Variants in SEC31B observed in about 807,000 individuals in gnomAD.
SEC31B encodes the protein protein transport protein Sec31B.
In SEC31B, 113 loss-of-function variants were observed where a neutral mutation model predicts 135.0. That is an observed-to-expected ratio of 0.84 (90% CI 0.72 to 0.98). SEC31B has a LOEUF of 0.98. SEC31B is among the 50% of genes least tolerant of loss of function. SEC31B has a pLI of 0.00. For synonymous variants in SEC31B, 508 were observed against 549.4 expected (o/e 0.92, Z 1.05); for missense variants, 1,296 against 1,421.1 (o/e 0.91, Z 1.42).
chr10:100,502,942 A>G (rs1185715699), intron 10 of SEC31B, among the ~76,000 whole-genome samples: 1 of 152,034 alleles, frequency 6.6e-6, no homozygotes, highest in Non-Finnish European at 1.5e-5. Flanking sequence ...CCCTCCTCTA[A>G]TTAAGCCTTA....
rs748408887 is a variant in SEC31B at position 100,490,191 on chromosome 10, T to C, written c.2782A>G (p.Thr928Ala). The change falls in exon 21 of 26, where the codon ACC becomes GCC. Residue 928 changes from threonine to alanine, a missense_variant. Coordinates refer to ENST00000370345, the MANE Select transcript of SEC31B (RefSeq NM_015490.4). ...AGTCTAGGAGTCTCAGGCAGGGAGG[T>C]AGAGCCAGGTCGCATGATGCCTGGG... is the stretch of plus-strand genomic sequence containing the variant. Reference protein sequence around the residue: ...ACPGIMRPGSTSLPETPRLFP... With the variant: ...ACPGIMRPGSASLPETPRLFP... 18 of 1,608,348 alleles carry C rather than the reference T, an allele frequency of 1.1e-5. No individual in the cohort carries two copies. Among genetic ancestry groups the C allele is most frequent in the East Asian group, 4.5e-5 (2 of 44,838 alleles).
Position 100,487,705 on chromosome 10 carries a change from C to A in SEC31B, c.3451G>T (p.Val1151Leu). 6.2e-7 allele frequency: 1 copy of A among 1,613,960 alleles called. No individual in the cohort carries two copies. The highest frequency in any genetic ancestry group is 8.5e-7 in the Non-Finnish European group (1 of 1,179,950). Residue 1151 changes from valine (V) to leucine (L), a missense_variant, in exon 26 of 26, where the codon GTG (valine) becomes TTG (leucine). Physicochemically the swap from Val to Leu is conservative, Grantham distance 32 (BLOSUM62 1). Transcript: ENST00000370345. ...TCGCTGAAGCTGCTACAGCCCGCCA[C>A]CTGGGCATGCACTGCAAGGCCCTGC... ...FEQGLAVHAQ[V>L]AGCSSFSEVS...
Position 100,519,832 on chromosome 10 carries a change from C to T in SEC31B, c.-96G>A, listed in dbSNP as rs1851921863. ...TCAGGCGCGGCGGCCGGAGCCGCTC[C>T]TCTGGCAGGGCTCTCGCGCGGAGCC... On this transcript the variant is annotated 5_prime_UTR_variant, in exon 1 of 26. Transcript: ENST00000370345. The T allele has an allele frequency of 1.3e-5, 2 of 152,342 alleles. No homozygotes were observed. Among genetic ancestry groups the T allele is most frequent in the Admixed American group, 6.5e-5 (1 of 15,292 alleles). The allele number at this position is 152,342 out of a possible 1,614,324, so 9.4% of individuals were successfully genotyped here. A position where few individuals can be genotyped will look rare whatever the true frequency, so the allele number is the denominator to read the frequency against.
At chr10:100,516,746 T>G (rs999032429) in intron 2 of SEC31B, 128 bp downstream of exon 2, 3 of 711,556 alleles carry the variant, frequency 4.2e-6, no homozygotes, top group Non-Finnish European at 7.1e-6. Flanking sequence ...TCCTTGCTTA[T>G]GCTGTGAGCC....
At chr10:100,512,253 C>A (rs1354320592) in intron 3 of SEC31B, among the ~76,000 whole-genome samples, 1 of 152,158 alleles carries the variant, frequency 6.6e-6, no homozygotes, top group African/African-American at 2.4e-5. Flanking sequence ...GGGGGCCACT[C>A]CAGAGAGCTA....
Position 100,498,748 on chromosome 10 carries a change from C to T in SEC31B, c.1641G>A (p.Leu547=), listed in dbSNP as rs1391563984. The change falls in exon 14 of 26, where the codon CTG becomes CTA. Residue 547 remains leucine, a synonymous_variant. Transcript: ENST00000370345. ...ASASSAFFDE[L]VPQNMTPWEI... ...CCCAAGGAGTCATGTTCTGAGGGACCAGCTCATCAAAGAAGGCTGAGGAAG... is the reference window on the plus strand; with the variant it reads ...CCCAAGGAGTCATGTTCTGAGGGACTAGCTCATCAAAGAAGGCTGAGGAAG... 1 of 1,613,740 alleles carries T rather than the reference C, an allele frequency of 6.2e-7. No individual in the cohort carries two copies. The highest frequency in any genetic ancestry group is 8.5e-7 in the Non-Finnish European group (1 of 1,179,886).
chr10:100,518,364 G>A (rs902038750), intron 1 of SEC31B, among the ~76,000 whole-genome samples: 4 of 144,514 alleles, frequency 2.8e-5, no homozygotes, highest in African/African-American at 1.0e-4. Flanking sequence ...ATATCTTTCT[G>A]GGCTCAGCTT....
At position 100,489,237 on chromosome 10, in the gene SEC31B, C is replaced by G; in HGVS notation, c.3171+15G>C. ...GAAGGTTTCCCAAGGGAGGGGAATA[C>G]ATTGTCCTTGTCACCTGCAGGCTGA... On this transcript the variant is annotated intron_variant, in intron 23 of 25. Coordinates refer to ENST00000370345, the MANE Select transcript of SEC31B (RefSeq NM_015490.4). 3 of 1,600,252 alleles carry G rather than the reference C, an allele frequency of 1.9e-6. No homozygotes were observed. The highest frequency in any genetic ancestry group is 2.6e-6 in the Non-Finnish European group (3 of 1,174,926).
At chr10:100,488,219 G>GCCTCCCAAGGTGCT in intron 24 of SEC31B, 121 bp from the exon 25 acceptor site, 1 of 835,316 alleles carries the variant, frequency 1.2e-6, no homozygotes, top group Non-Finnish European at 2.0e-6. Flanking sequence ...CAGCACCTTG[G>GCCTCCCAAGGTGCT]GAGGCCAAGG....
chr10:100,509,648 C>A, intron 3 of SEC31B, 137 bp from the exon 4 acceptor site: 1 of 641,534 alleles, frequency 1.6e-6, no homozygotes, highest in Non-Finnish European at 2.6e-6. Flanking sequence ...CTTCATTTCC[C>A]AGACAGAAGG....
chr10:100,504,827 A>T (rs1851594343), intron 10 of SEC31B, among the ~76,000 whole-genome samples: 1 of 151,870 alleles, frequency 6.6e-6, no homozygotes, highest in South Asian at 2.1e-4. Flanking sequence ...TTAGGGTACA[A>T]GCAGAGACAG....
Position 100,505,457 on chromosome 10 carries a change from T to C in SEC31B, c.1083A>G (p.Pro361=), listed in dbSNP as rs1195728302. 8 of 1,587,062 alleles carry C rather than the reference T, an allele frequency of 5.0e-6. No homozygotes were observed. The highest frequency in any genetic ancestry group is 4.7e-5 in the South Asian group (4 of 85,198). Residue 361 remains proline, a synonymous_variant, in exon 10 of 26, where the codon CCA becomes CCG. Coordinates refer to ENST00000370345, the MANE Select transcript of SEC31B (RefSeq NM_015490.4). The part of the protein sequence containing the change: ...SSFSKGQPLP[P]LQVPEQVAQA... Reference sequence around the variant, plus strand: ...GTGCCACTTGCTCTGGCACCTGCAGTGGTGGGAGAGGCTGGCCTTTGCTGA... The same window carrying C: ...GTGCCACTTGCTCTGGCACCTGCAGCGGTGGGAGAGGCTGGCCTTTGCTGA...
chr10:100,507,779 T>A, intron 6 of SEC31B, 129 bp downstream of exon 6: 1 of 1,376,778 alleles, frequency 7.3e-7, no homozygotes, highest in Non-Finnish European at 1.0e-6. Flanking sequence ...ATAGGAAATG[T>A]GCTAAGCGGC....
chr10:100,488,428 C>T (rs1169025550), intron 24 of SEC31B, among the ~76,000 whole-genome samples: 1 of 144,726 alleles, frequency 6.9e-6, no homozygotes, highest in Non-Finnish European at 1.5e-5. Context: ...CACTGCACTC[C>T]AGCCTGGGCG....
chr10:100,495,570 C>T, intron 18 of SEC31B, 24 bp from the exon 19 acceptor site: 1 of 1,603,064 alleles, frequency 6.2e-7, no homozygotes, highest in Non-Finnish European at 8.5e-7. Context: ...TGAGGAAGAG[C>T]TGTGTCAAGA....
chr10:100,507,274 G>A (rs1851649624), intron 7 of SEC31B, 151 bp downstream of exon 7: 9 of 885,672 alleles, frequency 1.0e-5, no homozygotes, highest in Non-Finnish European at 1.2e-5. Context: ...GGTTAAGGCT[G>A]GAGTAGGTAT....
intron 2 of SEC31B, 149 bp downstream of exon 2, chr10:100,516,725 C>A: frequency 2.3e-6 from 1 of 443,578 alleles, no homozygotes; most frequent in Non-Finnish European, 4.1e-6. Context: ...GTACCCAAAA[C>A]ACCTAATATC....
At chr10:100,489,017 G>A (rs1260717246) in intron 23 of SEC31B, 43 bp from the exon 24 acceptor site, 1 of 1,563,060 alleles carries the variant, frequency 6.4e-7, no homozygotes, top group Admixed American at 1.9e-5. Context: ...GGGGCAAGCT[G>A]TCCTTCTCAT....
rs760018244 is a variant in SEC31B at position 100,498,194 on chromosome 10, G to A, written c.1698C>T (p.Leu566=). Residue 566 remains leucine (L), a synonymous_variant, in exon 15 of 26, where the codon CTC becomes CTT. Transcript: ENST00000370345. Reference sequence around the variant, plus strand: ...CCCCAAGCAGGAGAGCCTGGCTTAGGAGTCCATCAATATCTGCAGGCAGAA... The same window carrying A: ...CCCCAAGCAGGAGAGCCTGGCTTAGAAGTCCATCAATATCTGCAGGCAGAA... ...EIPITKDIDG[L]LSQALLLGEL... 5.6e-6 allele frequency: 9 copies of A among 1,614,032 alleles called. No individual in the cohort carries two copies. Among genetic ancestry groups the A allele is most frequent in the African/African-American group, 2.7e-5 (2 of 74,908 alleles).
Sources: gnomAD v4.1 joint callset for allele counts (sites outside exome capture counted in the v4.1 genomes callset) on GRCh38, gnomAD v4.1.1 for gene constraint, MANE v1.5 for transcripts, NCBI Gene and HGNC (gene_info 2026-07-23, HGNC 2026-07-21) for gene names.